Variants in WWOX observed in about 807,000 individuals in gnomAD.
WWOX encodes WW domain containing oxidoreductase.
In WWOX, 69 loss-of-function variants were observed where a neutral mutation model predicts 46.2. That is an observed-to-expected ratio of 1.49 (90% confidence interval 1.23 to 1.82). WWOX has a LOEUF of 1.82. Ranked by LOEUF, WWOX falls within the 40% of genes most tolerant of loss-of-function variation. The pLI is 0.00. For missense variants in WWOX, 919 were observed against 542.6 expected (o/e 1.69, Z -6.89); for synonymous variants, 359 against 202.6 (o/e 1.77, Z -6.56).
chr16:78,105,926 C>G (rs2032111511), intron 1 of WWOX, among the ~76,000 whole-genome samples: 1 of 152,182 alleles, frequency 6.6e-6, no homozygotes, highest in Non-Finnish European at 1.5e-5. Flanking sequence ...CTCAGCCACT[C>G]AAGTAGCTGG....
intron 7 of WWOX, among the ~76,000 whole-genome samples, chr16:78,430,995 G>A (rs1017070465): frequency 6.6e-6 from 1 of 152,092 alleles, no homozygotes; most frequent in African/African-American, 2.4e-5. Flanking sequence ...TTCCCATTAT[G>A]CTTCTTCATT....
chr16:78,942,695 C>T (rs186231405), intron 8 of WWOX, among the ~76,000 whole-genome samples: 1 of 152,158 alleles, frequency 6.6e-6, no homozygotes, highest in Non-Finnish European at 1.5e-5. Flanking sequence ...GGACCTTGAA[C>T]TTAACTAACT....
chr16:78,978,606 G>C (rs1361253371), intron 8 of WWOX, among the ~76,000 whole-genome samples: 2 of 152,200 alleles, frequency 1.3e-5, no homozygotes, highest in Admixed American at 6.5e-5. Flanking sequence ...AAGCATAGAA[G>C]CTTCTGCTAC....
At chr16:78,757,693 A>G (rs2049689439) in intron 8 of WWOX, among the ~76,000 whole-genome samples, 1 of 151,870 alleles carries the variant, frequency 6.6e-6, no homozygotes, top group Admixed American at 6.6e-5. Flanking sequence ...AACACATTTT[A>G]TTTATATAAA....
In WWOX at chr16:79,142,546, T is replaced by C. The variant is rs77921020; in HGVS notation, c.1057-69062T>C. Among the ~76,000 whole-genome samples the C allele has an allele frequency of 1.5e-3, 233 of 152,324 alleles. 1 individual carries two copies. The East Asian group carries it at 0.02, about 13-fold the overall frequency. On this transcript the variant is annotated intron_variant, in intron 8 of 8. Coordinates refer to ENST00000566780, the MANE Select transcript of WWOX (RefSeq NM_016373.4). Reference sequence around the variant, plus strand: ...GGAAGGCATCTGGGAAGAGGTAACATTGATCTTAATTGTTATTAGAGAGAA... The same window carrying C: ...GGAAGGCATCTGGGAAGAGGTAACACTGATCTTAATTGTTATTAGAGAGAA...
chr16:78,254,663 G>A (rs911949305), intron 5 of WWOX, among the ~76,000 whole-genome samples: 2 of 151,716 alleles, frequency 1.3e-5, no homozygotes, highest in African/African-American at 4.8e-5. Context: ...CTGAGCACCC[G>A]GGTGCATGCC....
intron 5 of WWOX, among the ~76,000 whole-genome samples, chr16:78,258,268 C>A (rs770144090): frequency 1.4e-4 from 21 of 152,114 alleles, no homozygotes; most frequent in Non-Finnish European, 2.9e-4. Context: ...AACGTACCAG[C>A]AAATTCTACC....
chr16:79,049,098 G>T (rs1256958956), intron 8 of WWOX, among the ~76,000 whole-genome samples: 1 of 152,214 alleles, frequency 6.6e-6, no homozygotes, highest in Non-Finnish European at 1.5e-5. Context: ...GTGGTCAGCA[G>T]ACTGTTTCTG....
chr16:78,510,140 A>T (rs920667079), intron 8 of WWOX, among the ~76,000 whole-genome samples: 4 of 152,122 alleles, frequency 2.6e-5, no homozygotes, highest in Non-Finnish European at 4.4e-5. Context: ...TAAAGAAGTT[A>T]CTTAGGAGTC....
At chr16:78,575,668 C>A (rs1028609843) in intron 8 of WWOX, among the ~76,000 whole-genome samples, 2 of 152,118 alleles carry the variant, frequency 1.3e-5, no homozygotes, top group Admixed American at 6.5e-5. Context: ...GAAAGCCTAG[C>A]CTGAATAATG....
At chr16:78,956,654 C>T (rs572080150) in intron 8 of WWOX, among the ~76,000 whole-genome samples, 1 of 152,058 alleles carries the variant, frequency 6.6e-6, no homozygotes, top group East Asian at 1.9e-4. Flanking sequence ...ATTTCATTGC[C>T]CTAAAATACC....
At chr16:78,983,141 C>A (rs1208731784) in intron 8 of WWOX, among the ~76,000 whole-genome samples, 5 of 152,092 alleles carry the variant, frequency 3.3e-5, no homozygotes, top group African/African-American at 9.7e-5. Flanking sequence ...TTTTTCCCAC[C>A]AAGGCATCAA....
intron 5 of WWOX, among the ~76,000 whole-genome samples, chr16:78,195,327 A>G (rs534603073): frequency 6.6e-6 from 1 of 152,152 alleles, no homozygotes; most frequent in South Asian, 2.1e-4. Flanking sequence ...AAGACCATGA[A>G]CTTCTTGAGG....
chr16:78,680,858 C>T (rs930387067), intron 8 of WWOX, among the ~76,000 whole-genome samples: 1 of 152,112 alleles, frequency 6.6e-6, no homozygotes, highest in African/African-American at 2.4e-5. Context: ...TGCCTGTAAT[C>T]CTAGCACTTT....
At chr16:78,624,510 A>G (rs549227724) in intron 8 of WWOX, among the ~76,000 whole-genome samples, 30 of 152,324 alleles carry the variant, frequency 2.0e-4, no homozygotes, top group African/African-American at 7.2e-4. Context: ...TCACAGGACA[A>G]TATCTTTAAT....
At chr16:78,898,317 A>G (rs976403879) in intron 8 of WWOX, 2 of 152,140 alleles carry the variant, frequency 1.3e-5, no homozygotes, top group Non-Finnish European at 1.5e-5. Flanking sequence ...TAATTTTTGT[A>G]TATGGTGTGA....
At chr16:78,122,359 T>G (rs2033137780) in intron 4 of WWOX, among the ~76,000 whole-genome samples, 1 of 152,172 alleles carries the variant, frequency 6.6e-6, no homozygotes, top group African/African-American at 2.4e-5. Context: ...TAATTACTTT[T>G]TTATGGTGTC....
chr16:78,865,389 C>T (rs1472695408), intron 8 of WWOX, among the ~76,000 whole-genome samples: 2 of 152,192 alleles, frequency 1.3e-5, no homozygotes, highest in African/African-American at 4.8e-5. Flanking sequence ...TAGAGGTCAA[C>T]ACCATAGATA....
At chr16:79,065,383 C>T (rs1029274873) in intron 8 of WWOX, among the ~76,000 whole-genome samples, 4 of 152,092 alleles carry the variant, frequency 2.6e-5, no homozygotes, top group Non-Finnish European at 5.9e-5. Flanking sequence ...GATAGTTTAG[C>T]AGGAAGGGAG....
Sources: allele counts gnomAD v4.1 joint callset (sites outside exome capture counted in the v4.1 genomes callset), GRCh38; gene constraint gnomAD v4.1.1; transcripts MANE v1.5; gene names NCBI Gene and HGNC (gene_info 2026-07-23, HGNC 2026-07-21).